Variants in SNX13 observed in about 807,000 individuals in gnomAD.
SNX13 encodes the protein sorting nexin 13.
A neutral mutation model predicts 133.6 loss-of-function variants in SNX13; 45 were observed. That is an observed-to-expected ratio of 0.34 (90% CI 0.27 to 0.43). The LOEUF (loss-of-function observed/expected upper bound fraction) is 0.43, where lower values mean the gene tolerates loss of function less well. SNX13 is among the 20% of genes least tolerant of loss of function. SNX13 has a pLI of 1.00. For synonymous variants in SNX13, 414 were observed against 373.9 expected, an observed-to-expected ratio of 1.11 and a Z score of -1.24; for missense variants, 1,032 against 1,145.1, an observed-to-expected ratio of 0.90 and a Z score of 1.43.
chr7:17,797,417 T>C (rs1784169214), intron 24 of SNX13, among the ~76,000 whole-genome samples: 1 of 151,882 alleles, frequency 6.6e-6, no homozygotes, highest in South Asian at 2.1e-4. Context: ...ATGGATTGAC[T>C]ATAATGGTCC....
chr7:17,896,677 A>ATT (rs760333955), intron 2 of SNX13, among the ~76,000 whole-genome samples: 1 of 152,154 alleles, frequency 6.6e-6, no homozygotes, highest in Non-Finnish European at 1.5e-5. Context: ...CAACTAAGCT[A>ATT]TTTTGGTAAC....
At chr7:17,888,790 T>C in intron 5 of SNX13, 1 of 468,826 alleles carries the variant, frequency 2.1e-6, no homozygotes. Flanking sequence ...ACAATTATCC[T>C]GAGAGGAACA....
Position 17,897,427 on chromosome 7 carries a change from C to T in SNX13, c.32G>A (p.Gly11Glu), listed in dbSNP as rs936199563. Residue 11 changes from glycine to glutamate, a missense_variant, in exon 2 of 26, where the codon GGA becomes GAA. By Grantham distance (98) the Gly-to-Glu change is moderately conservative. Coordinates refer to ENST00000428135, the MANE Select transcript of SNX13 (RefSeq NM_015132.5). MLTEASLSIW[G>E]WGSLGIVLFL... ...AAGGACAATGCCAAGGCTTCCCCAT[C>T]CCCATATGGATAGACTGGCCTGAAA... 2 of 1,599,766 alleles carry T rather than the reference C, an allele frequency of 1.3e-6. No individual in the cohort carries two copies. The highest frequency in any genetic ancestry group is 1.7e-5 in the Admixed American group (1 of 58,960).
intron 5 of SNX13, chr7:17,880,815 T>C (rs550498900): frequency 1.3e-5 from 2 of 152,256 alleles, no homozygotes; most frequent in South Asian, 2.1e-4. Context: ...TTAAGGAATA[T>C]GTCATAATTT....
intron 16 of SNX13, among the ~76,000 whole-genome samples, chr7:17,826,865 G>A (rs1447302115): frequency 1.3e-5 from 2 of 152,078 alleles, no homozygotes; most frequent in African/African-American, 2.4e-5. Flanking sequence ...AGGCTGCAGA[G>A]TTAACATGGC....
At chr7:17,803,032 G>C (rs1436733333) in intron 21 of SNX13, among the ~76,000 whole-genome samples, 2 of 152,056 alleles carry the variant, frequency 1.3e-5, no homozygotes, top group Non-Finnish European at 2.9e-5. Flanking sequence ...GGAGAAATAA[G>C]ACTTTATGCT....
intron 15 of SNX13, among the ~76,000 whole-genome samples, chr7:17,833,436 C>A (rs532662174): frequency 3.3e-5 from 5 of 151,712 alleles, no homozygotes; most frequent in African/African-American, 1.2e-4. Context: ...AGCAGTTGGA[C>A]AACTTCACAC....
rs866876189 is a variant in SNX13 at position 17,891,710 on chromosome 7, C to T, written c.229-75G>A. ...TCTCCAGTTTAATTCCAGTTGAATA[C>T]TCAATGTAACATCCCTTCATTATCC... is the stretch of plus-strand genomic sequence containing the variant. On this transcript the variant is annotated intron_variant, in intron 3 of 25. Coordinates refer to ENST00000428135, the MANE Select transcript of SNX13 (RefSeq NM_015132.5). 5.4e-6 allele frequency: 5 copies of T among 925,096 alleles called. No individual in the cohort carries two copies. In the Middle Eastern group the frequency reaches 1.1e-3, roughly 205 times the overall value. The allele number at this position is 925,096 out of a possible 1,614,324, so 57.3% of individuals were successfully genotyped here. A position where few individuals can be genotyped will look rare whatever the true frequency, so the allele number is the denominator to read the frequency against.
intron 8 of SNX13, among the ~76,000 whole-genome samples, chr7:17,869,470 T>C (rs1218783535): frequency 6.6e-6 from 1 of 152,084 alleles, no homozygotes; most frequent in Non-Finnish European, 1.5e-5. Context: ...ATATATAAAT[T>C]TATGAACCCT....
chr7:17,798,921 C>G, intron 23 of SNX13, 88 bp downstream of exon 23: 1 of 1,466,230 alleles, frequency 6.8e-7, no homozygotes, highest in Non-Finnish European at 9.2e-7. Flanking sequence ...AAAAAATTCT[C>G]CTACAAAGGT....
intron 18 of SNX13, among the ~76,000 whole-genome samples, chr7:17,816,572 A>C (rs923490824): frequency 1.3e-5 from 2 of 152,112 alleles, no homozygotes; most frequent in African/African-American, 4.8e-5. Context: ...GAGGGAGGAG[A>C]GAATAGCTTG....
intron 13 of SNX13, among the ~76,000 whole-genome samples, chr7:17,837,295 T>A (rs562077289): frequency 6.6e-6 from 1 of 151,998 alleles, no homozygotes; most frequent in African/African-American, 2.4e-5. Flanking sequence ...CAACTCCAGC[T>A]AATTTTCTTT....
chr7:17,886,684 T>G (rs1044129550), intron 5 of SNX13, among the ~76,000 whole-genome samples: 1 of 152,176 alleles, frequency 6.6e-6, no homozygotes, highest in Non-Finnish European at 1.5e-5. Flanking sequence ...ACTTTCAAGA[T>G]CAACAACAAG....
chr7:17,874,626 C>G (rs913080376), intron 7 of SNX13, among the ~76,000 whole-genome samples: 3 of 152,118 alleles, frequency 2.0e-5, no homozygotes, highest in Admixed American at 6.5e-5. Context: ...TTTTCAAAAT[C>G]TAAGAAAACA....
rs1358815659 is a variant in SNX13, at chr7:17,875,348, T to C, written c.664+132A>G. 4.7e-6 allele frequency: 3 copies of C among 634,104 alleles called. No individual in the cohort carries two copies. In the East Asian group the frequency reaches 8.5e-5, roughly 18 times the overall value. 39.3% of individuals were successfully genotyped at this position (634,104 alleles called of 1,614,324 possible). A position where few individuals can be genotyped will look rare whatever the true frequency, so the allele number is the denominator to read the frequency against. ...TACTTTTAAGAGTTACAAAATAAAA[T>C]AAAATGAATAGCATCTTTACTATGC... On this transcript the variant is annotated intron_variant, in intron 7 of 25. Coordinates refer to ENST00000428135, the MANE Select transcript of SNX13 (RefSeq NM_015132.5).
At chr7:17,818,509 A>G (rs1306936477) in intron 18 of SNX13, among the ~76,000 whole-genome samples, 3 of 152,188 alleles carry the variant, frequency 2.0e-5, no homozygotes, top group Non-Finnish European at 4.4e-5. Flanking sequence ...TTTATACTCT[A>G]TATTAACTCA....
chr7:17,799,147 T>C lies in SNX13; in HGVS notation c.2306A>G (p.Asp769Gly). Residue 769 changes from aspartate to glycine, a missense_variant, in exon 23 of 26, where the codon GAC (aspartate) becomes GGC (glycine). By Grantham distance (94) the Asp-to-Gly change is moderately conservative (BLOSUM62 -1). Coordinates refer to ENST00000428135, the MANE Select transcript of SNX13 (RefSeq NM_015132.5). ...CAGCATTACCCTAAGTGGAATATTG[T>C]CATCCACCTGACAAAATATAAGAAA... ...VSAQLDDNVD[D>G]NIPLRVMLLL... The C allele has an allele frequency of 6.2e-7, 1 of 1,600,882 alleles. No homozygotes were observed. Among genetic ancestry groups the C allele is most frequent in the Non-Finnish European group, 8.5e-7 (1 of 1,174,476 alleles).
intron 5 of SNX13, among the ~76,000 whole-genome samples, chr7:17,884,676 G>T (rs1467561492): frequency 1.3e-5 from 2 of 151,874 alleles, no homozygotes; most frequent in Non-Finnish European, 2.9e-5. Flanking sequence ...ATAGACACTG[G>T]GAAAAAAGTA....
At chr7:17,873,726 C>T (rs1267122479) in intron 7 of SNX13, 110 bp from the exon 8 acceptor site, 6 of 553,656 alleles carry the variant, frequency 1.1e-5, no homozygotes, top group Non-Finnish European at 1.8e-5. Context: ...TCCCTGGTTA[C>T]AATGGCTTAT....
Sources: allele counts gnomAD v4.1 joint callset (sites outside exome capture counted in the v4.1 genomes callset), GRCh38; gene constraint gnomAD v4.1.1; transcripts MANE v1.5; gene names NCBI Gene and HGNC (gene_info 2026-07-23, HGNC 2026-07-21).